MRTFA: variants seen among roughly 807,000 people sequenced by gnomAD.
MRTFA encodes myocardin related transcription factor A.
MRTFA carries 20 observed loss-of-function variants against 83.5 expected under a neutral mutation model. The observed-to-expected ratio is 0.24, with a 90% CI of 0.17 to 0.35. MRTFA has a LOEUF of 0.35. Ranked by LOEUF, MRTFA falls within the 10% of genes least tolerant of loss-of-function variation. The pLI, the probability that MRTFA is intolerant of heterozygous loss-of-function variation, is 1.00. For synonymous variants in MRTFA, 659 were observed against 541.2 expected, an observed-to-expected ratio of 1.22 and a Z score of -3.02; for missense variants, 1,200 against 1,224.7, an observed-to-expected ratio of 0.98 and a Z score of 0.30.
intron 3 of MRTFA, among the ~76,000 whole-genome samples, chr22:40,500,382 T>A (rs1246719581): frequency 1.3e-5 from 2 of 149,480 alleles, no homozygotes; most frequent in African/African-American, 4.9e-5. Context: ...TTATTTTTTT[T>A]ATATTTTTAT....
At position 40,516,226 on chromosome 22, in the gene MRTFA, C is replaced by A. The variant is rs557523528; in HGVS notation, c.241+35880G>T. 3.2e-4 allele frequency among the ~76,000 whole-genome samples: 48 copies of A among 151,940 alleles called. No individual in the cohort carries two copies. In the South Asian group the frequency reaches 9.8e-3, roughly 31 times the overall value. ...TTGAGGTCAGGAGTTCGAGGCCAGC[C>A]TGGGCAACATGGCGAAATCCTGCCT... On this transcript the variant is annotated intron_variant, in intron 3 of 14. Coordinates refer to ENST00000355630, the MANE Select transcript of MRTFA (RefSeq NM_020831.6).
rs573228197 is a variant in MRTFA at position 40,445,610 on chromosome 22, G to A, written c.308-10056C>T. On this transcript the variant is annotated intron_variant, in intron 4 of 14. Coordinates refer to ENST00000355630, the MANE Select transcript of MRTFA (RefSeq NM_020831.6). ...AGTGCAATGGCACAATCTCGATGGCGCAATCTCGGCTCACTGCAACCTCCA... is the reference window on the plus strand; with the variant it reads ...AGTGCAATGGCACAATCTCGATGGCACAATCTCGGCTCACTGCAACCTCCA... 1.4e-3 allele frequency among the ~76,000 whole-genome samples: 206 copies of A among 152,102 alleles called. 2 individuals carry two copies. The highest frequency in any genetic ancestry group is 4.8e-3 in the African/African-American group (199 of 41,468).
Position 40,467,621 on chromosome 22 carries a change from A to C in MRTFA, c.242-4335T>G, listed in dbSNP as rs188557587. Among the ~76,000 whole-genome samples, 46 of 152,244 alleles carry C rather than the reference A, an allele frequency of 3.0e-4. 1 individual carries two copies. In the East Asian group the frequency reaches 8.1e-3, roughly 27 times the overall value. ...CAGGAATAAATTTCAGAGGCCATAAATTTAATACACATCCACTCTCACCGA... is the reference window on the plus strand; with the variant it reads ...CAGGAATAAATTTCAGAGGCCATAACTTTAATACACATCCACTCTCACCGA... On this transcript the variant is annotated intron_variant, in intron 3 of 14. Coordinates refer to ENST00000355630, the MANE Select transcript of MRTFA (RefSeq NM_020831.6).
intron 2 of MRTFA, among the ~76,000 whole-genome samples, chr22:40,558,099 T>C (rs1187983451): frequency 6.6e-6 from 1 of 151,414 alleles, no homozygotes; most frequent in Non-Finnish European, 1.5e-5. Flanking sequence ...TCTTTTTTTT[T>C]TTAAGGGACA....
chr22:40,624,679 G>A (rs2056561163), intron 1 of MRTFA, among the ~76,000 whole-genome samples: 1 of 152,092 alleles, frequency 6.6e-6, no homozygotes, highest in Admixed American at 6.6e-5. Flanking sequence ...AATTTTGGAA[G>A]GCATTCAAAA....
rs546465190 is a variant in MRTFA, at chr22:40,544,958, A to AATAT, written c.241+7144_241+7147dup. 1.3e-3 allele frequency among the ~76,000 whole-genome samples: 196 copies of AATAT among 149,934 alleles called. 1 individual carries two copies. In the Middle Eastern group the frequency reaches 0.014, roughly 11 times the overall value. The stretch of plus-strand genomic sequence containing the variant: ...AATAAATAAATAAATAAATAAAATA[A>AATAT]ATATATATATATACACATAAAATAA... On this transcript the variant is annotated intron_variant, in intron 3 of 14. Transcript: ENST00000355630.
chr22:40,500,480 AG>A (rs1003862991), intron 3 of MRTFA, among the ~76,000 whole-genome samples: 21 of 149,098 alleles, frequency 1.4e-4, no homozygotes, highest in African/African-American at 5.2e-4. Flanking sequence ...AGTGGAGGGA[AG>A]GTCAGCAGAT....
In MRTFA at chr22:40,470,231, TTA is replaced by T. The variant is rs71328709; in HGVS notation, c.242-6947_242-6946del. ...ACAGCAAGACCCCATCTCCAAAATT[TTA>T]TATATATATATATATATATATATAT... On this transcript the variant is annotated intron_variant, in intron 3 of 14. Transcript: ENST00000355630. Among the ~76,000 whole-genome samples, 448 of 45,448 alleles carry T rather than the reference TTA, an allele frequency of 9.9e-3. 1 individual carries two copies. The highest frequency in any genetic ancestry group is 0.011 in the African/African-American group (68 of 6,030). The allele number at this position is 45,448 out of a possible 152,430, so 29.8% of individuals were successfully genotyped here.
At chr22:40,468,175 C>T (rs1033793483) in intron 3 of MRTFA, among the ~76,000 whole-genome samples, 1 of 152,022 alleles carries the variant, frequency 6.6e-6, no homozygotes, top group Non-Finnish European at 1.5e-5. Flanking sequence ...TGATAGGATT[C>T]GAGGGGTAAT....
Position 40,509,982 on chromosome 22 carries a change from T to A in MRTFA, c.241+42124A>T, listed in dbSNP as rs191582688. Among the ~76,000 whole-genome samples the A allele has an allele frequency of 6.2e-4, 67 of 108,112 alleles. 1 individual carries two copies. Among genetic ancestry groups the A allele is most frequent in the Admixed American group, 3.4e-3 (30 of 8,780 alleles). The allele number at this position is 108,112 out of a possible 152,430, so 70.9% of individuals were successfully genotyped here. ...ATCAAGAAACAGCAGCCAAGTACTT[T>A]AAAAAAAAAAAAAAAGTGAAGTTAA... is the stretch of plus-strand genomic sequence containing the variant. On this transcript the variant is annotated intron_variant, in intron 3 of 14. Coordinates refer to ENST00000355630, the MANE Select transcript of MRTFA (RefSeq NM_020831.6).
rs1292476717 is a variant in MRTFA at position 40,419,104 on chromosome 22, C to A, written c.1634G>T (p.Gly545Val). 6.3e-7 allele frequency: 1 copy of A among 1,594,772 alleles called. No homozygotes were observed. Among genetic ancestry groups the A allele is most frequent in the African/African-American group, 1.3e-5 (1 of 74,264 alleles). The change falls in exon 12 of 15, where the codon GGC becomes GTC. Residue 545 changes from glycine to valine, a missense_variant. Physicochemically the swap from Gly to Val is moderately radical, Grantham distance 109. Coordinates refer to ENST00000355630, the MANE Select transcript of MRTFA (RefSeq NM_020831.6). ...CACGGGGGGCGTGGAGCCCGTGCTG[C>A]CAAACTTCACCACCCCACTGCTGGC...
At chr22:40,420,260 G>T in intron 11 of MRTFA, 145 bp downstream of exon 11, 1 of 931,258 alleles carries the variant, frequency 1.1e-6, no homozygotes, top group Admixed American at 2.8e-5. Flanking sequence ...CTGTCTGATG[G>T]GGACCAGAGC....
intron 3 of MRTFA, among the ~76,000 whole-genome samples, chr22:40,499,178 G>A: frequency 6.6e-6 from 1 of 152,090 alleles, no homozygotes; most frequent in Non-Finnish European, 1.5e-5. Flanking sequence ...TGTCATGCTT[G>A]GAACTTACAT....
chr22:40,582,860 T>C (rs933128746), intron 2 of MRTFA, among the ~76,000 whole-genome samples: 1 of 152,140 alleles, frequency 6.6e-6, no homozygotes, highest in Non-Finnish European at 1.5e-5. Context: ...AAACAGAGTA[T>C]GCACATTATG....
chr22:40,493,612 A>G (rs1448074968), intron 3 of MRTFA, among the ~76,000 whole-genome samples: 1 of 152,238 alleles, frequency 6.6e-6, no homozygotes. Context: ...TTCCAGCAAG[A>G]GCATGTGGAG....
intron 3 of MRTFA, among the ~76,000 whole-genome samples, chr22:40,548,490 G>A (rs1013688420): frequency 4.6e-5 from 7 of 151,922 alleles, no homozygotes; most frequent in Admixed American, 6.6e-5. Flanking sequence ...GGACACAGAC[G>A]TAGAAAAGAA....
intron 9 of MRTFA, among the ~76,000 whole-genome samples, chr22:40,423,312 C>T (rs1041532956): frequency 7.2e-5 from 11 of 152,130 alleles, no homozygotes; most frequent in African/African-American, 2.7e-4. Flanking sequence ...GGAGTGAGGA[C>T]CTGGAATGCC....
chr22:40,553,331 G>A (rs1157850400), intron 2 of MRTFA, among the ~76,000 whole-genome samples: 1 of 152,124 alleles, frequency 6.6e-6, no homozygotes, highest in African/African-American at 2.4e-5. Flanking sequence ...CGTCTCCAGG[G>A]CATGTCACAG....
intron 3 of MRTFA, chr22:40,519,526 C>T: frequency 7.4e-7 from 1 of 1,350,774 alleles, no homozygotes; most frequent in South Asian, 1.2e-5. Flanking sequence ...ACTCCAACCT[C>T]CTTGTGTCCA....
Sources: allele counts gnomAD v4.1 joint callset (sites outside exome capture counted in the v4.1 genomes callset), GRCh38; gene constraint gnomAD v4.1.1; transcripts MANE v1.5; gene names NCBI Gene and HGNC (gene_info 2026-07-23, HGNC 2026-07-21).